Variants in SLC4A10 observed in about 807,000 individuals in gnomAD.
The protein encoded by SLC4A10 is solute carrier family 4 member 10, also known as sodium-driven chloride bicarbonate exchanger.
Under a neutral mutation model 137.7 loss-of-function variants are expected in SLC4A10, and 42 were observed. The observed-to-expected ratio is 0.30, with a 90% CI of 0.24 to 0.39. SLC4A10 has a LOEUF of 0.39. Ranked by LOEUF, SLC4A10 falls within the 10% of genes least tolerant of loss-of-function variation. The probability of loss-of-function intolerance (pLI) is 1.00; values close to 1 mark genes in which losing one functional copy is unlikely to be tolerated. For synonymous variants in SLC4A10, 474 were observed against 464.1 expected, an observed-to-expected ratio of 1.02 and a Z score of -0.27; for missense variants, 925 against 1,355.0, an observed-to-expected ratio of 0.68 and a Z score of 4.98.
At chr2:161,681,301 G>A (rs2040823588) in intron 1 of SLC4A10, among the ~76,000 whole-genome samples, 1 of 152,090 alleles carries the variant, frequency 6.6e-6, no homozygotes, top group South Asian at 2.1e-4. Context: ...TAATCATCAT[G>A]TGGCATTCAT....
At chr2:161,775,423 A>G (rs1421440180) in intron 2 of SLC4A10, among the ~76,000 whole-genome samples, 1 of 151,918 alleles carries the variant, frequency 6.6e-6, no homozygotes, top group East Asian at 1.9e-4. Context: ...TTCTATCATA[A>G]TAGAGTCCAA....
chr2:161,776,456 C>G lies in SLC4A10; in HGVS notation c.130+5402C>G, dbSNP rs1210612789. Among the ~76,000 whole-genome samples, 3 of 151,902 alleles carry G rather than the reference C, an allele frequency of 2.0e-5. No individual in the cohort carries two copies. In the East Asian group the frequency reaches 5.8e-4, roughly 29 times the overall value. On this transcript the variant is annotated intron_variant, in intron 2 of 26. Transcript: ENST00000446997. Reference sequence around the variant, plus strand: ...TAATTCATGCAAATGGAATCATATACTATTTGTCTTTTCATGACTGACATA... The same window carrying G: ...TAATTCATGCAAATGGAATCATATAGTATTTGTCTTTTCATGACTGACATA...
chr2:161,909,070 T>C (rs745800646), intron 15 of SLC4A10, among the ~76,000 whole-genome samples: 4 of 100,442 alleles, frequency 4.0e-5, no homozygotes, highest in Middle Eastern at 0.011. Context: ...CATCACACAC[T>C]GGGGACTGTT....
chr2:161,900,768 G>T, intron 11 of SLC4A10, 143 bp from the exon 12 acceptor site: 1 of 564,018 alleles, frequency 1.8e-6, no homozygotes, highest in South Asian at 2.8e-5. Context: ...ACTTCCTGGA[G>T]GTCAAGCAAC....
chr2:161,834,566 T>A lies in SLC4A10; in HGVS notation c.278-5223T>A, dbSNP rs539059508. ...GTAATTTCCTTCTGGCTTAACATTC[T>A]TCATCAGATGTCTCTGCCTGCATTT... On this transcript the variant is annotated intron_variant, in intron 3 of 26. Transcript: ENST00000446997. Among the ~76,000 whole-genome samples the A allele has an allele frequency of 3.5e-3, 539 of 152,176 alleles. 5 individuals are homozygous for A. Among genetic ancestry groups the A allele is most frequent in the Non-Finnish European group, 6.6e-3 (452 of 68,002 alleles).
At chr2:161,642,381 G>T (rs887672872) in intron 1 of SLC4A10, among the ~76,000 whole-genome samples, 1 of 151,742 alleles carries the variant, frequency 6.6e-6, no homozygotes. Context: ...AATGGGAATG[G>T]AAAGACTTCA....
intron 1 of SLC4A10, among the ~76,000 whole-genome samples, chr2:161,625,909 A>G (rs2032266033): frequency 6.6e-6 from 1 of 152,002 alleles, no homozygotes; most frequent in East Asian, 1.9e-4. Context: ...AACAGGAGAA[A>G]GAAGTTTGTC....
At chr2:161,641,636 T>C (rs1458616678) in intron 1 of SLC4A10, among the ~76,000 whole-genome samples, 2 of 152,106 alleles carry the variant, frequency 1.3e-5, no homozygotes, top group Non-Finnish European at 2.9e-5. Context: ...AACATATTCA[T>C]TATAATTGGT....
At chr2:161,883,224 T>C (rs986243987) in intron 10 of SLC4A10, among the ~76,000 whole-genome samples, 6 of 152,128 alleles carry the variant, frequency 3.9e-5, no homozygotes, top group Non-Finnish European at 8.8e-5. Flanking sequence ...AATGAACAAA[T>C]GGGATTATAT....
At chr2:161,979,905 A>G (rs1311832164) in intron 26 of SLC4A10, among the ~76,000 whole-genome samples, 4 of 152,194 alleles carry the variant, frequency 2.6e-5, no homozygotes, top group African/African-American at 7.2e-5. Flanking sequence ...TTTCTCAATT[A>G]TATCATTCAC....
Position 161,863,055 on chromosome 2 carries a change from CA to C in SLC4A10, c.764del (p.Asn255MetfsTer47). 6.2e-7 allele frequency: 1 copy of C among 1,613,024 alleles called. No individual in the cohort carries two copies. The highest frequency in any genetic ancestry group is 8.5e-7 in the Non-Finnish European group (1 of 1,179,468). ...KKQSEPNSMD[K>X]NAGQVVSPQS... ...AACAGTCAGAACCAAATTCCATGGA[CA>C]AAAATGGTAAATGTTTATTTATTGT... On this transcript the variant is annotated frameshift_variant, in exon 6 of 27. Coordinates refer to ENST00000446997, the MANE Select transcript of SLC4A10 (RefSeq NM_001178015.2). LOFTEE classifies it high-confidence loss of function.
intron 1 of SLC4A10, among the ~76,000 whole-genome samples, chr2:161,687,085 G>T (rs1387310703): frequency 2.0e-5 from 3 of 152,160 alleles, no homozygotes; most frequent in Non-Finnish European, 4.4e-5. Context: ...GTTTTGCCAT[G>T]TTGGCCAGAC....
At chr2:161,650,374 C>T (rs1005079275) in intron 1 of SLC4A10, among the ~76,000 whole-genome samples, 1 of 152,258 alleles carries the variant, frequency 6.6e-6, no homozygotes, top group Non-Finnish European at 1.5e-5. Context: ...AGTGGCCCGT[C>T]TGGAGAAGCT....
intron 1 of SLC4A10, among the ~76,000 whole-genome samples, chr2:161,698,859 A>T (rs2042834100): frequency 6.6e-6 from 1 of 151,974 alleles, no homozygotes. Context: ...TTTCATATTG[A>T]TTGGAGTAGT....
chr2:161,717,372 T>C lies in SLC4A10; in HGVS notation c.49-53601T>C, dbSNP rs1335651200. The stretch of plus-strand genomic sequence containing the variant: ...AGAGAGCATCCTTGTCTTGTGCCAG[T>C]TTTCAAGGGGAATGCTTCCAGCTTT... On this transcript the variant is annotated intron_variant, in intron 1 of 26. Transcript: ENST00000446997. Among the ~76,000 whole-genome samples, 3 of 152,322 alleles carry C rather than the reference T, an allele frequency of 2.0e-5. No homozygotes were observed. In the East Asian group the frequency reaches 5.8e-4, roughly 29 times the overall value.
In SLC4A10 at chr2:161,900,954, A is replaced by T. The variant is rs1342960553; in HGVS notation, c.1385A>T (p.His462Leu). ...GCTGTACCAAATGGAACAGCAGCTCATGGGGAAGCAGAGCCCCACGGAGGA... is the reference window on the plus strand; with the variant it reads ...GCTGTACCAAATGGAACAGCAGCTCTTGGGGAAGCAGAGCCCCACGGAGGA... ...IPAVPNGTAA[H>L]GEAEPHGGHS... The change falls in exon 12 of 27, where the codon CAT becomes CTT. Residue 462 changes from histidine to leucine, a missense_variant. His to Leu is a moderately conservative substitution (Grantham distance 99, BLOSUM62 -3). Coordinates refer to ENST00000446997, the MANE Select transcript of SLC4A10 (RefSeq NM_001178015.2). 4 of 1,568,294 alleles carry T rather than the reference A, an allele frequency of 2.6e-6. No individual in the cohort carries two copies. Among genetic ancestry groups the T allele is most frequent in the African/African-American group, 1.4e-5 (1 of 73,858 alleles).
At chr2:161,848,919 G>A (rs189431772) in intron 4 of SLC4A10, among the ~76,000 whole-genome samples, 9 of 151,898 alleles carry the variant, frequency 5.9e-5, no homozygotes, top group Admixed American at 3.3e-4. Flanking sequence ...TGAAAAATGT[G>A]CACTTTTTTC....
intron 1 of SLC4A10, among the ~76,000 whole-genome samples, chr2:161,762,041 A>G (rs913672450): frequency 6.6e-6 from 1 of 152,140 alleles, no homozygotes; most frequent in African/African-American, 2.4e-5. Context: ...TGCGTAAATA[A>G]ATGAAACCTA....
At chr2:161,932,673 A>G (rs963334105) in intron 15 of SLC4A10, among the ~76,000 whole-genome samples, 1 of 152,182 alleles carries the variant, frequency 6.6e-6, no homozygotes, top group African/African-American at 2.4e-5. Flanking sequence ...CTGGAACTTC[A>G]GGATTCACCT....
Sources: allele counts gnomAD v4.1 joint callset (sites outside exome capture counted in the v4.1 genomes callset), GRCh38; gene constraint gnomAD v4.1.1; transcripts MANE v1.5; gene names NCBI Gene and HGNC (gene_info 2026-07-23, HGNC 2026-07-21).